The following ZNF516 variants were observed in gnomAD, a reference collection of about 807,000 sequenced individuals.
The protein encoded by ZNF516 is zinc finger protein 516.
In ZNF516, 19 loss-of-function variants were observed where a neutral mutation model predicts 79.7. That is an observed-to-expected ratio of 0.24 (90% confidence interval 0.17 to 0.35). The LOEUF is 0.35. ZNF516 is among the 10% of genes least tolerant of loss of function. ZNF516 has a pLI of 1.00. For missense variants in ZNF516, 1,678 were observed against 1,679.5 expected (o/e 1.00, Z 0.02); for synonymous variants, 877 against 739.5 (o/e 1.19, Z -3.02).
Position 76,442,112 on chromosome 18 carries a change from T to C in ZNF516, c.943A>G (p.Ile315Val), listed in dbSNP as rs968819295. ...KNRPKSELDP[I>V]ATINNVVQEE... ...TGGACCACGTTGTTGATGGTGGCGA[T>C]GGGGTCCAGCTCACTCTTGGGCCTG... is the stretch of plus-strand genomic sequence containing the variant. The change falls in exon 3 of 7, where the codon ATC (isoleucine) becomes GTC (valine). Residue 315 changes from isoleucine to valine, a missense_variant. By Grantham distance (29) the Ile-to-Val change is conservative. Transcript: ENST00000443185. 6 of 1,613,844 alleles carry C rather than the reference T, an allele frequency of 3.7e-6. No homozygotes were observed. The highest frequency in any genetic ancestry group is 1.3e-5 in the African/African-American group (1 of 74,940).
upstream of ZNF516, chr18:76,496,337 C>T (rs887114597): frequency 7.8e-7 from 1 of 1,289,642 alleles, no homozygotes; most frequent in Non-Finnish European, 1.0e-6. Flanking sequence ...AGGTGGATTC[C>T]GTCCAAGACG....
At position 76,360,496 on chromosome 18, in the gene ZNF516, C is replaced by G. The variant is rs937412419; in HGVS notation, c.*2002G>C. On this transcript the variant is annotated 3_prime_UTR_variant, in exon 7 of 7. Transcript: ENST00000443185. Reference sequence around the variant, plus strand: ...AGGTGGACAGAGGAATGTGTCTCCGCAACTTTGCCCAAAATAACTTTACAG... The same window carrying G: ...AGGTGGACAGAGGAATGTGTCTCCGGAACTTTGCCCAAAATAACTTTACAG... The G allele has an allele frequency of 6.6e-6, 1 of 151,648 alleles. No individual in the cohort carries two copies. Among genetic ancestry groups the G allele is most frequent in the Non-Finnish European group, 1.5e-5 (1 of 67,926 alleles). 9.4% of individuals were successfully genotyped at this position (151,648 alleles called of 1,614,324 possible). A position where few individuals can be genotyped will look rare whatever the true frequency, so the allele number is the denominator to read the frequency against.
chr18:76,397,927 AAC>A (rs958688241), intron 3 of ZNF516, among the ~76,000 whole-genome samples: 2 of 152,212 alleles, frequency 1.3e-5, no homozygotes, highest in African/African-American at 4.8e-5. Flanking sequence ...TCCGAACAAA[AAC>A]AGTCCCAAAT....
At chr18:76,378,514 C>T (rs912149608) in intron 4 of ZNF516, among the ~76,000 whole-genome samples, 3 of 152,218 alleles carry the variant, frequency 2.0e-5, no homozygotes, top group Admixed American at 6.5e-5. Context: ...GCAATCACGT[C>T]GGCCTGCTCC....
intron 3 of ZNF516, 53 bp from the exon 4 acceptor site, chr18:76,380,356 G>T: frequency 6.3e-7 from 1 of 1,583,624 alleles, no homozygotes; most frequent in South Asian, 1.1e-5. Context: ...TCAGAACACA[G>T]CAAGACACAC....
chr18:76,474,193 A>G (rs996555523), intron 1 of ZNF516, among the ~76,000 whole-genome samples: 3 of 152,252 alleles, frequency 2.0e-5, no homozygotes, highest in Non-Finnish European at 4.4e-5. Flanking sequence ...AGCATGGCAG[A>G]TTAAGTAAGC....
intron 1 of ZNF516, among the ~76,000 whole-genome samples, chr18:76,471,708 G>C (rs1359980975): frequency 5.9e-5 from 9 of 152,102 alleles, no homozygotes; most frequent in Admixed American, 6.6e-5. Flanking sequence ...CCCAGAATTG[G>C]AGCCGACTTC....
At chr18:76,445,210 T>G (rs917095008) in intron 2 of ZNF516, among the ~76,000 whole-genome samples, 1 of 149,458 alleles carries the variant, frequency 6.7e-6, no homozygotes, top group Non-Finnish European at 1.5e-5. Flanking sequence ...TGAGCTGAGA[T>G]CATGCCACTG....
rs1911820988 is a variant in ZNF516 at position 76,443,079 on chromosome 18, T to C, written c.-25A>G. The C allele has an allele frequency of 4.5e-6, 7 of 1,555,756 alleles. No homozygotes were observed. The highest frequency in any genetic ancestry group is 4.3e-6 in the Non-Finnish European group (5 of 1,158,074). On this transcript the variant is annotated 5_prime_UTR_variant, in exon 3 of 7. Coordinates refer to ENST00000443185, the MANE Select transcript of ZNF516 (RefSeq NM_014643.4). The stretch of plus-strand genomic sequence containing the variant: ...TCCGAAGGACGGGCGCGGCCGGTGG[T>C]GGCGGCACAGCTTTCTGTCGCGCGG...
chr18:76,484,476 G>A (rs1167850173), intron 1 of ZNF516, among the ~76,000 whole-genome samples: 2 of 152,124 alleles, frequency 1.3e-5, no homozygotes, highest in Non-Finnish European at 1.5e-5. Context: ...ATATAACACC[G>A]TGCTCTAAAA....
intron 3 of ZNF516, among the ~76,000 whole-genome samples, chr18:76,423,848 A>G (rs1324305238): frequency 6.8e-6 from 1 of 147,396 alleles, no homozygotes; most frequent in South Asian, 2.1e-4. Context: ...TGCAGGTGAA[A>G]AGGCTCCCCC....
intron 3 of ZNF516, among the ~76,000 whole-genome samples, chr18:76,419,756 A>G (rs2075481807): frequency 6.6e-6 from 1 of 152,224 alleles, no homozygotes; most frequent in Admixed American, 6.5e-5. Flanking sequence ...GCCTCCCCAG[A>G]CACATGGAAC....
chr18:76,455,159 A>G (rs1912644897), intron 2 of ZNF516, among the ~76,000 whole-genome samples: 1 of 152,182 alleles, frequency 6.6e-6, no homozygotes, highest in Admixed American at 6.5e-5. Context: ...TGCTTTGCGA[A>G]CATTTTCCAA....
At chr18:76,492,935 G>A (rs560810710) in intron 1 of ZNF516, 2 of 985,590 alleles carry the variant, frequency 2.0e-6, no homozygotes, top group East Asian at 1.1e-4. Context: ...CGCGGGGCTG[G>A]CCAGACTTCA....
At chr18:76,481,549 C>T (rs1331822560) in intron 1 of ZNF516, among the ~76,000 whole-genome samples, 1 of 152,214 alleles carries the variant, frequency 6.6e-6, no homozygotes, top group African/African-American at 2.4e-5. Flanking sequence ...AGGTGAGCTG[C>T]TTAATAACCT....
intron 2 of ZNF516, among the ~76,000 whole-genome samples, chr18:76,445,975 G>A (rs972207940): frequency 1.3e-5 from 2 of 152,214 alleles, no homozygotes; most frequent in African/African-American, 4.8e-5. Context: ...CCAGCTGTGT[G>A]CCAGCAGCTG....
intron 3 of ZNF516, among the ~76,000 whole-genome samples, chr18:76,411,028 A>G (rs2075367616): frequency 6.6e-6 from 1 of 152,206 alleles, no homozygotes; most frequent in African/African-American, 2.4e-5. Flanking sequence ...GAATTCTAAC[A>G]CAGCTTTGCT....
intron 2 of ZNF516, among the ~76,000 whole-genome samples, chr18:76,453,877 T>C (rs567425393): frequency 2.0e-5 from 3 of 152,368 alleles, no homozygotes; most frequent in Admixed American, 2.0e-4. Context: ...ACAAATAAGC[T>C]GTATATACTA....
At chr18:76,381,269 A>G (rs1179939701) in intron 3 of ZNF516, among the ~76,000 whole-genome samples, 1 of 152,214 alleles carries the variant, frequency 6.6e-6, no homozygotes, top group Non-Finnish European at 1.5e-5. Context: ...ATTCGGTTTT[A>G]TGTTTTGCAT....
Sources: gnomAD v4.1 joint callset for allele counts (sites outside exome capture counted in the v4.1 genomes callset) on GRCh38, gnomAD v4.1.1 for gene constraint, MANE v1.5 for transcripts, NCBI Gene and HGNC (gene_info 2026-07-23, HGNC 2026-07-21) for gene names.